NEDD4L: variants seen among roughly 807,000 people sequenced by gnomAD.
NEDD4L encodes the protein NEDD4 like E3 ubiquitin protein ligase, also known as E3 ubiquitin-protein ligase NEDD4-like.
Under a neutral mutation model 148.9 loss-of-function variants are expected in NEDD4L, and 54 were observed. That is an observed-to-expected ratio of 0.36 (90% CI 0.29 to 0.45). The LOEUF (loss-of-function observed/expected upper bound fraction) is 0.45. NEDD4L is among the 20% of genes least tolerant of loss of function. NEDD4L has a pLI of 1.00. For missense variants in NEDD4L, 856 were observed against 1,233.8 expected (o/e 0.69, Z 4.59); for synonymous variants, 433 against 440.7 (o/e 0.98, Z 0.22).
intron 1 of NEDD4L, among the ~76,000 whole-genome samples, chr18:58,081,472 C>G (rs2083431530): frequency 6.6e-6 from 1 of 152,018 alleles, no homozygotes; most frequent in African/African-American, 2.4e-5. Context: ...GCCTTGGCCT[C>G]CCAAAGTGCT....
chr18:58,305,716 A>G (rs2056978223), intron 5 of NEDD4L, among the ~76,000 whole-genome samples: 1 of 152,188 alleles, frequency 6.6e-6, no homozygotes, highest in African/African-American at 2.4e-5. Flanking sequence ...ATACGTTCAA[A>G]ATACATATAA....
chr18:58,339,452 G>A (rs747368633), intron 13 of NEDD4L, among the ~76,000 whole-genome samples: 36 of 152,252 alleles, frequency 2.4e-4, no homozygotes, highest in Non-Finnish European at 4.3e-4. Flanking sequence ...ATTCATCGAT[G>A]TTTAATATTC....
rs2036790204 is a variant in NEDD4L, at chr18:58,165,881, A to G, written c.122+20A>G. The G allele has an allele frequency of 6.3e-7, 1 of 1,581,236 alleles. No homozygotes were observed. The highest frequency in any genetic ancestry group is 1.8e-5 in the Admixed American group (1 of 56,360). On this transcript the variant is annotated intron_variant, in intron 2 of 30. Transcript: ENST00000400345. ...AGCCAGGTATGTTGGCTTTGTTTTT[A>G]TTTCTGTGGACTTCTGAAAAATTGA...
chr18:58,148,221 A>G (rs1169435460), intron 1 of NEDD4L, among the ~76,000 whole-genome samples: 1 of 150,794 alleles, frequency 6.6e-6, no homozygotes, highest in African/African-American at 2.4e-5. Flanking sequence ...GCAGGAATGC[A>G]GTGGTGTGAT....
chr18:58,072,692 C>T (rs1184876842), intron 1 of NEDD4L, among the ~76,000 whole-genome samples: 3 of 152,174 alleles, frequency 2.0e-5, no homozygotes, highest in African/African-American at 7.2e-5. Flanking sequence ...ATTCTCACCA[C>T]TTCTATGTAG....
intron 2 of NEDD4L, among the ~76,000 whole-genome samples, chr18:58,192,693 G>T (rs1425584496): frequency 7.7e-6 from 1 of 129,744 alleles, no homozygotes; most frequent in Admixed American, 7.1e-5. Flanking sequence ...CAGCCCACAG[G>T]TACCTGTCTC....
chr18:58,179,179 G>A (rs1011672122), intron 2 of NEDD4L, among the ~76,000 whole-genome samples: 2 of 152,100 alleles, frequency 1.3e-5, no homozygotes, highest in Non-Finnish European at 2.9e-5. Context: ...TGGTGTACTG[G>A]CTCTCTGGAG....
chr18:58,100,264 A>G (rs192069103), intron 1 of NEDD4L, among the ~76,000 whole-genome samples: 11 of 152,264 alleles, frequency 7.2e-5, no homozygotes, highest in East Asian at 1.9e-4. Context: ...CCTTAACATC[A>G]TGGCCGATTC....
intron 2 of NEDD4L, among the ~76,000 whole-genome samples, chr18:58,195,137 TA>T (rs1442655946): frequency 6.6e-6 from 1 of 152,170 alleles, no homozygotes; most frequent in Non-Finnish European, 1.5e-5. Flanking sequence ...TATGGACATT[TA>T]GGAAAAGATG....
intron 12 of NEDD4L, 116 bp from the exon 13 acceptor site, chr18:58,335,362 G>A: frequency 1.2e-6 from 1 of 800,380 alleles, no homozygotes; most frequent in Non-Finnish European, 2.1e-6. Context: ...GTGGGTTTCA[G>A]GGATTCTGAT....
At chr18:58,064,972 C>T (rs2082525540) in intron 1 of NEDD4L, among the ~76,000 whole-genome samples, 3 of 152,288 alleles carry the variant, frequency 2.0e-5, no homozygotes, top group Non-Finnish European at 4.4e-5. Flanking sequence ...GGGAAACCTT[C>T]CTGCTGTAGT....
chr18:58,046,905 A>G (rs1162990593), intron 1 of NEDD4L: 1 of 152,226 alleles, frequency 6.6e-6, no homozygotes, highest in Non-Finnish European at 1.5e-5. Context: ...CCTACCAGTG[A>G]AAAAATAAGC....
chr18:58,348,386 C>A (rs2043405888), intron 16 of NEDD4L, among the ~76,000 whole-genome samples: 1 of 122,726 alleles, frequency 8.1e-6, no homozygotes. Flanking sequence ...GCCTGGAGTT[C>A]AGTGGCACAA....
At position 58,375,780 on chromosome 18, in the gene NEDD4L, G is replaced by A. The variant is rs769564226; in HGVS notation, c.2352+2511G>A. The stretch of plus-strand genomic sequence containing the variant: ...TGCTCATTGAGCAAACGAATGAGGA[G>A]TGCTAACCTGGCTTATTAAAAATAT... On this transcript the variant is annotated intron_variant, in intron 24 of 30. Coordinates refer to ENST00000400345, the MANE Select transcript of NEDD4L (RefSeq NM_001144967.3). 2.7e-4 allele frequency among the ~76,000 whole-genome samples: 41 copies of A among 152,096 alleles called. 1 individual carries two copies. The highest frequency in any genetic ancestry group is 1.9e-4 in the Non-Finnish European group (13 of 68,034).
intron 4 of NEDD4L, among the ~76,000 whole-genome samples, chr18:58,251,513 C>CTCTGTCTG: frequency 6.6e-6 from 1 of 152,084 alleles, no homozygotes; most frequent in African/African-American, 2.4e-5. Flanking sequence ...GACCGTCTGT[C>CTCTGTCTG]TCTGTCTGTC....
intron 1 of NEDD4L, among the ~76,000 whole-genome samples, chr18:58,120,221 A>G (rs543347): frequency 0.88 from 133,608 of 152,142 alleles, 58,720 homozygotes; most frequent in East Asian, 0.93. Context: ...GGATGGAGAG[A>G]GGCAGGGGGT....
At chr18:58,335,363 G>C in intron 12 of NEDD4L, 115 bp from the exon 13 acceptor site, 1 of 806,770 alleles carries the variant, frequency 1.2e-6, no homozygotes, top group Non-Finnish European at 2.1e-6. Flanking sequence ...TGGGTTTCAG[G>C]GATTCTGATC....
intron 5 of NEDD4L, among the ~76,000 whole-genome samples, chr18:58,285,410 C>T (rs1257528175): frequency 1.3e-5 from 2 of 151,664 alleles, no homozygotes; most frequent in Non-Finnish European, 2.9e-5. Context: ...CTCACTGCAA[C>T]CTCCACCTCC....
chr18:58,198,020 C>T (rs1282608229), intron 2 of NEDD4L, among the ~76,000 whole-genome samples: 1 of 152,106 alleles, frequency 6.6e-6, no homozygotes, highest in Admixed American at 6.5e-5. Flanking sequence ...CCTTCTTCAC[C>T]TTTCTGCTCA....
Sources: gnomAD v4.1 joint callset for allele counts (sites outside exome capture counted in the v4.1 genomes callset) on GRCh38, gnomAD v4.1.1 for gene constraint, MANE v1.5 for transcripts, NCBI Gene and HGNC (gene_info 2026-07-23, HGNC 2026-07-21) for gene names.